The following FGF12 variants were observed in gnomAD, a reference collection of about 807,000 sequenced individuals.
The protein encoded by FGF12 is fibroblast growth factor 12B.
In FGF12, 14 loss-of-function variants were observed where a neutral mutation model predicts 23.6. The ratio of observed to expected loss-of-function variants is 0.59; its 90% CI spans 0.39 to 0.93. The LOEUF (loss-of-function observed/expected upper bound fraction) is 0.93, where lower values mean the gene tolerates loss of function less well. FGF12 is among the 40% of genes least tolerant of loss of function. The probability of loss-of-function intolerance (pLI) is 0.00; values close to 1 mark genes in which losing one functional copy is unlikely to be tolerated. For synonymous variants in FGF12, 62 were observed against 77.3 expected, an observed-to-expected ratio of 0.80 and a Z score of 1.04; for missense variants, 175 against 217.8, an observed-to-expected ratio of 0.80 and a Z score of 1.24.
At chr3:192,578,837 C>T (rs564340514) in intron 2 of FGF12, among the ~76,000 whole-genome samples, 2 of 152,238 alleles carry the variant, frequency 1.3e-5, no homozygotes, top group Admixed American at 1.3e-4. Context: ...AAGCGAGTAG[C>T]TCATATTATT....
intron 2 of FGF12, among the ~76,000 whole-genome samples, chr3:192,710,491 A>G (rs1486048076): frequency 6.6e-6 from 1 of 152,234 alleles, no homozygotes; most frequent in Non-Finnish European, 1.5e-5. Flanking sequence ...TGGTGAAGAT[A>G]TATTTTTCAG....
intron 4 of FGF12, among the ~76,000 whole-genome samples, chr3:192,227,246 A>G (rs1718783553): frequency 6.6e-6 from 1 of 152,176 alleles, no homozygotes; most frequent in Non-Finnish European, 1.5e-5. Context: ...TATCAGCAAA[A>G]TCACTACTTT....
intron 4 of FGF12, among the ~76,000 whole-genome samples, chr3:192,263,430 C>T (rs527815343): frequency 1.3e-5 from 2 of 151,896 alleles, no homozygotes; most frequent in Non-Finnish European, 2.9e-5. Context: ...TAACAAAATT[C>T]CCAGGTGGTT....
chr3:192,237,023 G>T (rs975262493), intron 4 of FGF12, among the ~76,000 whole-genome samples: 4 of 152,142 alleles, frequency 2.6e-5, no homozygotes, highest in Non-Finnish European at 4.4e-5. Flanking sequence ...TATAAGGCAA[G>T]TCTGGTGGTA....
intron 4 of FGF12, among the ~76,000 whole-genome samples, chr3:192,254,922 T>C (rs1295627819): frequency 6.6e-6 from 1 of 152,088 alleles, no homozygotes; most frequent in Non-Finnish European, 1.5e-5. Context: ...TTATATAATT[T>C]TTGCTAAGTT....
At chr3:192,610,380 T>C (rs952765866) in intron 2 of FGF12, among the ~76,000 whole-genome samples, 4 of 152,050 alleles carry the variant, frequency 2.6e-5, no homozygotes, top group African/African-American at 9.7e-5. Context: ...ATATGAACAG[T>C]GATGATGTAT....
At chr3:192,724,503 A>G (rs1252686285) in intron 2 of FGF12, among the ~76,000 whole-genome samples, 2 of 152,156 alleles carry the variant, frequency 1.3e-5, no homozygotes, top group Non-Finnish European at 2.9e-5. Flanking sequence ...AATACTAAAC[A>G]TTTTAACTCA....
chr3:192,330,088 G>T (rs891437664), intron 4 of FGF12, among the ~76,000 whole-genome samples: 5 of 152,014 alleles, frequency 3.3e-5, no homozygotes, highest in Admixed American at 2.6e-4. Flanking sequence ...ACTAAACATT[G>T]TCAAAAGAAA....
intron 4 of FGF12, among the ~76,000 whole-genome samples, chr3:192,293,681 C>T (rs1218004584): frequency 6.6e-6 from 1 of 152,086 alleles, no homozygotes; most frequent in Non-Finnish European, 1.5e-5. Context: ...TCAAACGTTC[C>T]TTCTTTTTGT....
chr3:192,405,604 G>C (rs573527952), intron 2 of FGF12, among the ~76,000 whole-genome samples: 1 of 144,984 alleles, frequency 6.9e-6, no homozygotes, highest in Non-Finnish European at 1.5e-5. Flanking sequence ...GTGGTTTCAA[G>C]AATCAGTCAA....
intron 2 of FGF12, among the ~76,000 whole-genome samples, chr3:192,457,561 T>C (rs1722718564): frequency 6.6e-6 from 1 of 152,146 alleles, no homozygotes; most frequent in African/African-American, 2.4e-5. Flanking sequence ...TTTGTGGAAC[T>C]TTGAACTTGA....
intron 2 of FGF12, among the ~76,000 whole-genome samples, chr3:192,521,797 A>C (rs1328545540): frequency 1.3e-5 from 2 of 152,168 alleles, no homozygotes; most frequent in Non-Finnish European, 2.9e-5. Context: ...TTCAGCTTGC[A>C]CATGTATATT....
chr3:192,680,609 A>G (rs981687951), intron 2 of FGF12, among the ~76,000 whole-genome samples: 1 of 152,240 alleles, frequency 6.6e-6, no homozygotes. Flanking sequence ...CAGGAAACCC[A>G]ATAGGAAACG....
chr3:192,669,429 T>C (rs938036801), intron 2 of FGF12, among the ~76,000 whole-genome samples: 1 of 112,834 alleles, frequency 8.9e-6, no homozygotes, highest in South Asian at 3.0e-4. Context: ...CTACAGAAAA[T>C]ACAAAAATTT....
Position 192,408,060 on chromosome 3 carries a change from C to T in FGF12, c.14-47522G>A, listed in dbSNP as rs2108775976. ...CCTCACCGGCCTCTTGCGGCCGCTG[C>T]AGAAGCGCACTTTGCTGAACACCCC... On this transcript the variant is annotated intron_variant, in intron 2 of 5. Transcript: ENST00000445105. The surrounding 1 kb of genome is among the most constrained non-coding windows in gnomAD (Gnocchi z 7.3). The T allele has an allele frequency of 6.2e-7, 1 of 1,612,702 alleles. No individual in the cohort carries two copies. Among genetic ancestry groups the T allele is most frequent in the Non-Finnish European group, 8.5e-7 (1 of 1,179,818 alleles).
intron 4 of FGF12, among the ~76,000 whole-genome samples, chr3:192,252,295 T>C (rs778372065): frequency 7.3e-5 from 11 of 151,320 alleles, no homozygotes; most frequent in Admixed American, 1.3e-4. Flanking sequence ...ACCCTGTCTC[T>C]ACTAAAAAAT....
In FGF12 at chr3:192,169,525, A is replaced by G. The variant is rs140484163; in HGVS notation, c.427+933T>C. On this transcript the variant is annotated intron_variant, in intron 5 of 5. Transcript: ENST00000445105. The stretch of plus-strand genomic sequence containing the variant: ...AATGTTTGCAGTCACCGTGCTATGT[A>G]CTATGCACCAGGCATTGTGTACACT... Among the ~76,000 whole-genome samples the G allele has an allele frequency of 1.5e-4, 23 of 152,278 alleles. No homozygotes were observed. The East Asian group carries it at 4.4e-3, about 29-fold the overall frequency.
intron 4 of FGF12, among the ~76,000 whole-genome samples, chr3:192,249,384 A>G (rs1001199998): frequency 2.6e-5 from 4 of 152,206 alleles, no homozygotes; most frequent in African/African-American, 9.7e-5. Context: ...AATTGCTCTG[A>G]ATCAAATTTG....
At chr3:192,476,878 A>C (rs150961397) in intron 2 of FGF12, among the ~76,000 whole-genome samples, 3 of 152,358 alleles carry the variant, frequency 2.0e-5, no homozygotes, top group African/African-American at 7.2e-5. Flanking sequence ...GATTGGAGCC[A>C]TATACAAGCA....
Sources: gnomAD v4.1 joint callset for allele counts (sites outside exome capture counted in the v4.1 genomes callset) on GRCh38, gnomAD v4.1.1 for gene constraint, Gnocchi (gnomAD v3.1) non-coding constraint, MANE v1.5 for transcripts, NCBI Gene and HGNC (gene_info 2026-07-23, HGNC 2026-07-21) for gene names.